FN3K: variants seen among roughly 807,000 people sequenced by gnomAD.
FN3K encodes the protein fructosamine-3-kinase.
FN3K carries 24 observed loss-of-function variants against 24.8 expected under a neutral mutation model. That is an observed-to-expected ratio of 0.97 (90% confidence interval 0.70 to 1.36). The LOEUF (loss-of-function observed/expected upper bound fraction) is 1.36, where lower values mean the gene tolerates loss of function less well. Among genes scored for constraint, FN3K ranks in the 40% most tolerant of loss-of-function variants. The pLI is 0.00. For synonymous variants in FN3K, 192 were observed against 175.2 expected, an observed-to-expected ratio of 1.10 and a Z score of -0.76; for missense variants, 449 against 416.7, an observed-to-expected ratio of 1.08 and a Z score of -0.67.
rs771192085 is a variant in FN3K, at chr17:82,735,625, G to T, written c.-12G>T. ...GGCTTCCGAGCGAGCAGAGTCCCGCGCCCCGCACTCCATGGAGCAGCTGCT... is the reference window on the plus strand; with the variant it reads ...GGCTTCCGAGCGAGCAGAGTCCCGCTCCCCGCACTCCATGGAGCAGCTGCT... On this transcript the variant is annotated 5_prime_UTR_variant, in exon 1 of 6. Coordinates refer to ENST00000300784, the MANE Select transcript of FN3K (RefSeq NM_022158.4). 1.1e-5 allele frequency: 17 copies of T among 1,517,342 alleles called. No individual in the cohort carries two copies. The East Asian group carries it at 4.4e-4, about 40-fold the overall frequency. The allele number at this position is 1,517,342 out of a possible 1,614,324, so 94.0% of individuals were successfully genotyped here.
intron 2 of FN3K, 97 bp from the exon 3 acceptor site, chr17:82,740,666 G>C (rs77084831): frequency 0.16 from 134,836 of 822,548 alleles, 13,109 homozygotes; most frequent in African/African-American, 0.32. Flanking sequence ...ATGGAGAATA[G>C]TTTTCAATGT....
At chr17:82,736,976 A>T (rs569814957) in intron 1 of FN3K, among the ~76,000 whole-genome samples, 66 of 151,972 alleles carry the variant, frequency 4.3e-4, no homozygotes, top group Non-Finnish European at 8.4e-4. Flanking sequence ...CATGCATAAG[A>T]GCAGGTGATG....
chr17:82,738,280 A>T lies in FN3K; in HGVS notation c.142-209A>T, dbSNP rs114821591. On this transcript the variant is annotated intron_variant, in intron 1 of 5. Transcript: ENST00000300784. ...GCAGACCCCACACCCCTCACGGCCCAGGCTCAGCCTCAGCCTTGCAGCCTC... is the reference window on the plus strand; with the variant it reads ...GCAGACCCCACACCCCTCACGGCCCTGGCTCAGCCTCAGCCTTGCAGCCTC... The T allele has an allele frequency of 3.1e-3, 1,884 of 608,566 alleles. 29 individuals carry two copies. In the African/African-American group the frequency reaches 0.032, roughly 10 times the overall value. The allele number at this position is 608,566 out of a possible 1,614,324, so 37.7% of individuals were successfully genotyped here. A position where few individuals can be genotyped will look rare whatever the true frequency, so the allele number is the denominator to read the frequency against.
At chr17:82,741,610 A>G in intron 4 of FN3K, 1 of 518,030 alleles carries the variant, frequency 1.9e-6, no homozygotes, top group Non-Finnish European at 3.5e-6. Context: ...CAGGCAGATC[A>G]GCATTCCAAG....
chr17:82,743,352 C>T (rs1239419204), intron 4 of FN3K, among the ~76,000 whole-genome samples: 1 of 152,226 alleles, frequency 6.6e-6, no homozygotes, highest in East Asian at 1.9e-4. Flanking sequence ...ACTCCAGGAT[C>T]AAGGAACCCA....
At position 82,746,388 on chromosome 17, in the gene FN3K, GT is replaced by G. The variant is rs934490062; in HGVS notation, c.469-2457del. ...TTATTTTGTCCAATTTGTGAATAGG[GT>G]TTTTTTTTTATTATTGAGTTTTGAG... On this transcript the variant is annotated intron_variant, in intron 4 of 5. Transcript: ENST00000300784. Among the ~76,000 whole-genome samples, 285 of 149,050 alleles carry G rather than the reference GT, an allele frequency of 1.9e-3. 4 individuals are homozygous for G. Among genetic ancestry groups the G allele is most frequent in the African/African-American group, 5.6e-3 (229 of 40,662 alleles).
chr17:82,738,568 T>C lies in FN3K; in HGVS notation c.221T>C (p.Met74Thr), dbSNP rs1317856397. ...STGLVRVPRP[M>T]KVIDLPGGGA... ...GGCCTGGTGCGGGTGCCGAGGCCCA[T>C]GAAGGTCATCGACCTGCCGGGAGGT... is the stretch of plus-strand genomic sequence containing the variant. Residue 74 changes from methionine to threonine, a missense_variant, in exon 2 of 6, where the codon ATG becomes ACG. Transcript: ENST00000300784. 1.9e-6 allele frequency: 3 copies of C among 1,613,268 alleles called. No individual in the cohort carries two copies. Among genetic ancestry groups the C allele is most frequent in the East Asian group, 4.5e-5 (2 of 44,880 alleles).
At chr17:82,742,333 G>A (rs1227017030) in intron 4 of FN3K, among the ~76,000 whole-genome samples, 5 of 152,164 alleles carry the variant, frequency 3.3e-5, no homozygotes, top group African/African-American at 9.7e-5. Flanking sequence ...GAGCCACCAT[G>A]CCTGGCCAGA....
At chr17:82,738,400 ACTCC>A in intron 1 of FN3K, 85 bp from the exon 2 acceptor site, 1 of 1,560,348 alleles carries the variant, frequency 6.4e-7, no homozygotes, top group Non-Finnish European at 8.8e-7. Flanking sequence ...GGTCCTTGTG[ACTCC>A]CACGTGGTAG....
At chr17:82,750,337 C>A in intron 5 of FN3K, 80 bp from the exon 6 acceptor site, 1 of 1,301,138 alleles carries the variant, frequency 7.7e-7, no homozygotes, top group Non-Finnish European at 1.1e-6. Context: ...CGCGAGTGGG[C>A]TTTGCCTTAT....
rs201585658 is a variant in FN3K at position 82,735,754 on chromosome 17, G to A, written c.118G>A (p.Val40Ile). The A allele has an allele frequency of 6.4e-7, 1 of 1,563,880 alleles. No homozygotes were observed. Among genetic ancestry groups the A allele is most frequent in the Non-Finnish European group, 8.6e-7 (1 of 1,156,214 alleles). ...CGACACGGACGCAGGCCCAGTGTTCGTCAAAGTCAACCGCAGGACGCAGGT... is the reference window on the plus strand; with the variant it reads ...CGACACGGACGCAGGCCCAGTGTTCATCAAAGTCAACCGCAGGACGCAGGT... ...AYDTDAGPVF[V>I]KVNRRTQARQ... Residue 40 changes from valine to isoleucine, a missense_variant, in exon 1 of 6, where the codon GTC becomes ATC. Coordinates refer to ENST00000300784, the MANE Select transcript of FN3K (RefSeq NM_022158.4).
intron 5 of FN3K, 31 bp from the exon 6 acceptor site, chr17:82,750,386 C>A (rs1268337332): frequency 6.3e-7 from 1 of 1,591,868 alleles, no homozygotes; most frequent in Admixed American, 1.7e-5. Context: ...CTCCCAGAGG[C>A]CAGCGATAAC....
chr17:82,750,705 C>T lies in FN3K; in HGVS notation c.880C>T (p.Arg294Trp), dbSNP rs762315245. The T allele has an allele frequency of 6.2e-6, 10 of 1,613,580 alleles. No individual in the cohort carries two copies. The highest frequency in any genetic ancestry group is 1.7e-5 in the Admixed American group (1 of 59,996). ...NYLNHWNHFGREYRSPSLGTM... is the reference protein window; with the variant it reads ...NYLNHWNHFGWEYRSPSLGTM... ...CCTGAACCACTGGAACCACTTCGGG[C>T]GGGAGTACAGGAGCCCTTCCTTGGG... Residue 294 changes from arginine (R) to tryptophan (W), a missense_variant, in exon 6 of 6, where the codon CGG becomes TGG. By Grantham distance (101) the Arg-to-Trp change is moderately radical (BLOSUM62 -3). Transcript: ENST00000300784.
intron 1 of FN3K, 80 bp downstream of exon 1, chr17:82,735,857 T>C: frequency 6.6e-7 from 1 of 1,506,876 alleles, no homozygotes; most frequent in East Asian, 2.5e-5. Flanking sequence ...GCAGGCGCAT[T>C]TCCTGGGGCT....
At chr17:82,743,107 C>T (rs926895205) in intron 4 of FN3K, among the ~76,000 whole-genome samples, 1 of 152,164 alleles carries the variant, frequency 6.6e-6, no homozygotes, top group Non-Finnish European at 1.5e-5. Flanking sequence ...CAGTGAGCAG[C>T]ACCCTCTTCA....
Position 82,741,364 on chromosome 17 carries a change from A to G in FN3K, c.439A>G (p.Thr147Ala). 6.2e-7 allele frequency: 1 copy of G among 1,613,912 alleles called. No homozygotes were observed. Among genetic ancestry groups the G allele is most frequent in the Non-Finnish European group, 8.5e-7 (1 of 1,179,892 alleles). Residue 147 changes from threonine to alanine, a missense_variant, in exon 4 of 6, where the codon ACG becomes GCG. By Grantham distance (58) the Thr-to-Ala change is moderately conservative (BLOSUM62 0). Transcript: ENST00000300784. ...PQYVDKFGFH[T>A]VTCCGFIPQV... ...GTATGTGGACAAGTTCGGCTTCCAC[A>G]CGGTGACGTGCTGCGGCTTCATCCC... is the stretch of plus-strand genomic sequence containing the variant.
At chr17:82,738,151 C>A (rs777352671) in intron 1 of FN3K, 1 of 270,638 alleles carries the variant, frequency 3.7e-6, no homozygotes, top group Non-Finnish European at 7.3e-6. Flanking sequence ...AGGTGGGTAG[C>A]CCGGGGGTCC....
At position 82,738,948 on chromosome 17, in the gene FN3K, T is replaced by TA. The variant is rs1598340682; in HGVS notation, c.293+308_293+309insA. 5.9e-4 allele frequency among the ~76,000 whole-genome samples: 48 copies of TA among 80,786 alleles called. 2 individuals are homozygous for TA. The highest frequency in any genetic ancestry group is 2.6e-3 in the East Asian group (9 of 3,484). 53.0% of individuals were successfully genotyped at this position (80,786 alleles called of 152,430 possible). ...CACATATATATATATATATATATAT[T>TA]TTTTTTTTTTTTGAAACACAGTCTC... On this transcript the variant is annotated intron_variant, in intron 2 of 5. Transcript: ENST00000300784.
In FN3K at chr17:82,750,524, C is replaced by G; in HGVS notation, c.699C>G (p.Tyr233Ter). 1.2e-6 allele frequency: 2 copies of G among 1,614,166 alleles called. No individual in the cohort carries two copies. Among genetic ancestry groups the G allele is most frequent in the Non-Finnish European group, 1.7e-6 (2 of 1,180,024 alleles). The change falls in exon 6 of 6, where the codon TAC becomes TAG. Residue 233 changes from tyrosine (Y) to a stop codon, truncating the protein, a stop_gained. Coordinates refer to ENST00000300784, the MANE Select transcript of FN3K (RefSeq NM_022158.4). LOFTEE classifies it low-confidence loss of function (END_TRUNC). Reference protein sequence around the residue: ...VAEDDVGPIIYDPASFYGHSE... With the variant: ...VAEDDVGPII ...AGGACGACGTGGGGCCCATTATTTA[C>G]GACCCGGCTTCCTTCTATGGCCATT... is the stretch of plus-strand genomic sequence containing the variant.
Sources: gnomAD v4.1 joint callset for allele counts (sites outside exome capture counted in the v4.1 genomes callset) on GRCh38, gnomAD v4.1.1 for gene constraint, MANE v1.5 for transcripts, NCBI Gene and HGNC (gene_info 2026-07-23, HGNC 2026-07-21) for gene names.